Variants in DYDC1 observed in about 807,000 individuals in gnomAD.
The protein encoded by DYDC1 is DPY30 domain containing 1.
In DYDC1, 21 loss-of-function variants were observed where a neutral mutation model predicts 27.9. The observed-to-expected ratio is 0.75, with a 90% CI of 0.53 to 1.08. The LOEUF is 1.08. DYDC1 is among the 50% of genes least tolerant of loss of function. The probability of loss-of-function intolerance (pLI) is 0.00; values close to 1 mark genes in which losing one functional copy is unlikely to be tolerated. For missense variants in DYDC1, 202 were observed against 205.9 expected, an observed-to-expected ratio of 0.98 and a Z score of 0.12; for synonymous variants, 67 against 65.8, an observed-to-expected ratio of 1.02 and a Z score of -0.09.
chr10:80,338,718 C>T (rs540871286), intron 5 of DYDC1, 147 bp from the exon 6 acceptor site: 56 of 825,782 alleles, frequency 6.8e-5, no homozygotes, highest in Non-Finnish European at 2.0e-5. Context: ...CTGTTAATGA[C>T]AAGAGAATTC....
intron 3 of DYDC1, among the ~76,000 whole-genome samples, chr10:80,345,010 T>C (rs2061761702): frequency 6.6e-6 from 1 of 151,998 alleles, no homozygotes; most frequent in Non-Finnish European, 1.5e-5. Context: ...TAAAAATACA[T>C]GTGGAATAGA....
chr10:80,354,486 C>CAAAAAAAAAAAAAAAAAAAAAA (rs1012219418), intron 1 of DYDC1: 1 of 69,302 alleles, frequency 1.4e-5, no homozygotes, highest in African/African-American at 5.8e-5. Flanking sequence ...AACTTCGTCT[C>CAAAAAAAAAAAAAAAAAAAAAA]AAAAAAAAAA....
At chr10:80,354,479 T>C (rs1843230511) in intron 1 of DYDC1, 1 of 141,766 alleles carries the variant, frequency 7.1e-6, no homozygotes, top group Non-Finnish European at 1.5e-5. Context: ...AGAGTGAAAC[T>C]TCGTCTCAAA....
chr10:80,343,589 T>G (rs1589503290), intron 3 of DYDC1, among the ~76,000 whole-genome samples: 1 of 151,466 alleles, frequency 6.6e-6, no homozygotes, highest in East Asian at 1.9e-4. Flanking sequence ...CTGGGCAGCA[T>G]AGCGAGACCC....
At chr10:80,336,102 T>C, downstream of DYDC1, 2 of 1,213,258 alleles carry the variant, frequency 1.6e-6, no homozygotes, top group Non-Finnish European at 2.4e-6. Flanking sequence ...GGGAACCTCA[T>C]GGTTTGAAAT....
intron 4 of DYDC1, among the ~76,000 whole-genome samples, chr10:80,340,964 A>T (rs914679592): frequency 2.6e-5 from 4 of 152,046 alleles, no homozygotes; most frequent in South Asian, 2.1e-4. Flanking sequence ...TTATCCTTTT[A>T]AAAAAAATCT....
chr10:80,354,995 A>G (rs1270800312), intron 1 of DYDC1, among the ~76,000 whole-genome samples: 1 of 152,144 alleles, frequency 6.6e-6, no homozygotes, highest in Non-Finnish European at 1.5e-5. Context: ...TGCAGTTAAA[A>G]TAAGTACTAT....
At chr10:80,342,739 G>A (rs2132758957) in intron 3 of DYDC1, among the ~76,000 whole-genome samples, 1 of 152,202 alleles carries the variant, frequency 6.6e-6, no homozygotes, top group Non-Finnish European at 1.5e-5. Flanking sequence ...CCAGCACTTT[G>A]AGAAGCCAAG....
rs1843013416 is a variant in DYDC1, at chr10:80,351,985, G to A, written c.165C>T (p.Ala55=). 3.1e-6 allele frequency: 5 copies of A among 1,614,008 alleles called. No homozygotes were observed. The highest frequency in any genetic ancestry group is 4.2e-6 in the Non-Finnish European group (5 of 1,180,012). The change falls in exon 3 of 7, where the codon GCC becomes GCT. Residue 55 remains alanine (A), a synonymous_variant. Transcript: ENST00000372202. The part of the protein sequence containing the change: ...TMEQLRQKEM[A]KLERERELAL... Reference sequence around the variant, plus strand: ...CTAATTCTCTTTCACGCTCCAGCTTGGCCATTTCCTTTTGTCTCTAGCATT... The same window carrying A: ...CTAATTCTCTTTCACGCTCCAGCTTAGCCATTTCCTTTTGTCTCTAGCATT...
intron 3 of DYDC1, among the ~76,000 whole-genome samples, chr10:80,345,317 T>C (rs1355819727): frequency 1.3e-5 from 2 of 152,338 alleles, no homozygotes; most frequent in African/African-American, 4.8e-5. Context: ...GATTTAACTT[T>C]TTATTGTGTA....
intron 1 of DYDC1, among the ~76,000 whole-genome samples, chr10:80,353,124 A>G (rs374612000): frequency 1.2e-4 from 19 of 152,064 alleles, no homozygotes; most frequent in East Asian, 1.2e-3. Context: ...AGCCGTTTTT[A>G]CAAAGCATCA....
chr10:80,348,548 A>G (rs1234056258), intron 3 of DYDC1, among the ~76,000 whole-genome samples: 1 of 152,206 alleles, frequency 6.6e-6, no homozygotes, highest in Non-Finnish European at 1.5e-5. Flanking sequence ...TTCCCAAACA[A>G]ATTGTCAGTG....
intron 3 of DYDC1, among the ~76,000 whole-genome samples, chr10:80,347,568 G>A (rs1842745954): frequency 6.6e-6 from 1 of 151,938 alleles, no homozygotes. Context: ...TTTTCTTCCG[G>A]GAGTTTTACA....
chr10:80,352,513 A>G lies in DYDC1; in HGVS notation c.89T>C (p.Ile30Thr), dbSNP rs753223575. Residue 30 changes from isoleucine to threonine, a missense_variant, in exon 2 of 7, where the codon ATA becomes ACA. Physicochemically the swap from Ile to Thr is moderately conservative, Grantham distance 89 (BLOSUM62 -1). Transcript: ENST00000372202. ...EVARVRPVDPIEYLALWIYKY... is the reference protein window; with the variant it reads ...EVARVRPVDPTEYLALWIYKY... ...GTAAATCCACAATGCTAAATATTCT[A>G]TCGGATCCACTGGGCGAACTCTTGC... 1.2e-6 allele frequency: 2 copies of G among 1,613,644 alleles called. No homozygotes were observed. Among genetic ancestry groups the G allele is most frequent in the Admixed American group, 1.7e-5 (1 of 59,878 alleles).
At chr10:80,355,618 A>T (rs1215666596) in intron 1 of DYDC1, among the ~76,000 whole-genome samples, 1 of 152,180 alleles carries the variant, frequency 6.6e-6, no homozygotes, top group East Asian at 1.9e-4. Flanking sequence ...GAGCAACACA[A>T]TGGATTATTA....
chr10:80,338,064 T>C (rs1317235691), intron 6 of DYDC1: 6 of 984,766 alleles, frequency 6.1e-6, no homozygotes, highest in East Asian at 2.3e-4. Context: ...AGATGTGGCA[T>C]GTTTCTTAAA....
intron 6 of DYDC1, chr10:80,338,193 T>C (rs1218029955): frequency 5.1e-6 from 5 of 985,292 alleles, no homozygotes; most frequent in Non-Finnish European, 6.0e-6. Flanking sequence ...AAAGATTATA[T>C]ATTTCACAAA....
At chr10:80,354,486 C>CAAAAAA (rs1012219418) in intron 1 of DYDC1, 1 of 69,288 alleles carries the variant, frequency 1.4e-5, no homozygotes, top group Non-Finnish European at 2.9e-5. Context: ...AACTTCGTCT[C>CAAAAAA]AAAAAAAAAA....
Position 80,336,140 on chromosome 10 carries a change from C to T in DYDC1, c.*16G>A. ...GAAACAAACAAAAACATTTATTGCT[C>T]TTAGGTTGGTTGGTCCTACAAATCT... On this transcript the variant is annotated 3_prime_UTR_variant, in exon 7 of 7. Transcript: ENST00000372202. The T allele has an allele frequency of 2.1e-6, 3 of 1,425,876 alleles. No homozygotes were observed. The highest frequency in any genetic ancestry group is 2.9e-6 in the Non-Finnish European group (3 of 1,027,912). 88.3% of individuals were successfully genotyped at this position (1,425,876 alleles called of 1,614,324 possible). A position where few individuals can be genotyped will look rare whatever the true frequency, so the allele number is the denominator to read the frequency against.
Sources: allele counts gnomAD v4.1 joint callset (sites outside exome capture counted in the v4.1 genomes callset), GRCh38; gene constraint gnomAD v4.1.1; transcripts MANE v1.5; gene names NCBI Gene and HGNC (gene_info 2026-07-23, HGNC 2026-07-21).